SLIT2: variants seen among roughly 807,000 people sequenced by gnomAD.
SLIT2 encodes the protein slit homolog 2 protein.
SLIT2 carries 41 observed loss-of-function variants against 185.7 expected under a neutral mutation model. The ratio of observed to expected loss-of-function variants is 0.22; its 90% CI spans 0.17 to 0.29. The LOEUF is 0.29. Among genes scored for constraint, SLIT2 ranks in the 10% least tolerant of loss-of-function variants. The pLI, the probability that SLIT2 is intolerant of heterozygous loss-of-function variation, is 1.00. For missense variants in SLIT2, 1,571 were observed against 1,909.0 expected, an observed-to-expected ratio of 0.82 and a Z score of 3.30; for synonymous variants, 693 against 680.2, an observed-to-expected ratio of 1.02 and a Z score of -0.29.
intron 18 of SLIT2, among the ~76,000 whole-genome samples, chr4:20,538,512 T>C (rs567190501): frequency 3.9e-5 from 6 of 152,236 alleles, no homozygotes; most frequent in Non-Finnish European, 8.8e-5. Flanking sequence ...TGTTTCTTTA[T>C]TTTTACCTCT....
intron 4 of SLIT2, among the ~76,000 whole-genome samples, chr4:20,281,301 T>C (rs946061935): frequency 1.3e-5 from 2 of 152,230 alleles, no homozygotes; most frequent in Non-Finnish European, 2.9e-5. Context: ...AAGTTAAAAA[T>C]TAAACAGGGC....
chr4:20,264,415 A>G (rs559361257), intron 3 of SLIT2, among the ~76,000 whole-genome samples: 2 of 151,918 alleles, frequency 1.3e-5, no homozygotes, highest in East Asian at 3.9e-4. Context: ...CCTTATATTT[A>G]CATGTAAATA....
chr4:20,505,903 GA>G (rs1719166049), intron 9 of SLIT2, among the ~76,000 whole-genome samples: 1 of 151,938 alleles, frequency 6.6e-6, no homozygotes, highest in Non-Finnish European at 1.5e-5. Flanking sequence ...GAGAGCAAGA[GA>G]AAAAAATTGT....
intron 4 of SLIT2, among the ~76,000 whole-genome samples, chr4:20,324,385 C>A (rs1419590133): frequency 6.9e-6 from 1 of 145,644 alleles, no homozygotes; most frequent in Non-Finnish European, 1.5e-5. Context: ...CCGACCAGGC[C>A]ATTTCCCTGC....
At chr4:20,595,038 C>G (rs17543582) in intron 30 of SLIT2, among the ~76,000 whole-genome samples, 6 of 152,122 alleles carry the variant, frequency 3.9e-5, no homozygotes, top group Non-Finnish European at 8.8e-5. Context: ...AGCCAAGACC[C>G]TTTACCACCA....
rs115940288 is a variant in SLIT2, at chr4:20,288,475, C to T, written c.395+19594C>T. On this transcript the variant is annotated intron_variant, in intron 4 of 36. Coordinates refer to ENST00000504154, the MANE Select transcript of SLIT2 (RefSeq NM_004787.4). ...CGTGTGCATGACAATGAGGAAATTTCCCTTTAATTCCTGAAGTGCTGGGTG... is the reference window on the plus strand; with the variant it reads ...CGTGTGCATGACAATGAGGAAATTTTCCTTTAATTCCTGAAGTGCTGGGTG... 8.9e-3 allele frequency among the ~76,000 whole-genome samples: 1,348 copies of T among 152,290 alleles called. 22 individuals carry two copies. Among genetic ancestry groups the T allele is most frequent in the African/African-American group, 0.031 (1,285 of 41,550 alleles).
At chr4:20,317,193 T>C (rs549452311) in intron 4 of SLIT2, among the ~76,000 whole-genome samples, 15 of 152,130 alleles carry the variant, frequency 9.9e-5, no homozygotes, top group African/African-American at 2.9e-4. Flanking sequence ...CATGAGACTT[T>C]TTCCCCACAT....
intron 4 of SLIT2, among the ~76,000 whole-genome samples, chr4:20,324,924 C>A (rs998769881): frequency 1.3e-5 from 2 of 152,060 alleles, no homozygotes; most frequent in African/African-American, 4.8e-5. Flanking sequence ...TTTTGCATCA[C>A]CTAATACGTT....
At position 20,472,360 on chromosome 4, in the gene SLIT2, ATATAGATATC is replaced by A. The variant is rs1211681185; in HGVS notation, c.467+4542_467+4551del. ...GATCTATATATAGATATAGATATCTATATAGATATCTATATCTATATATATGTAGATATAT... is the reference window on the plus strand; with the variant it reads ...GATCTATATATAGATATAGATATCTATATATCTATATATATGTAGATATAT... On this transcript the variant is annotated intron_variant, in intron 5 of 36. Transcript: ENST00000504154. Among the ~76,000 whole-genome samples, 13 of 37,498 alleles carry A rather than the reference ATATAGATATC, an allele frequency of 3.5e-4. 2 individuals carry two copies. The highest frequency in any genetic ancestry group is 8.1e-4 in the East Asian group (1 of 1,234). The allele number at this position is 37,498 out of a possible 152,430, so 24.6% of individuals were successfully genotyped here.
intron 34 of SLIT2, 103 bp downstream of exon 34, chr4:20,610,270 A>C: frequency 1.0e-6 from 1 of 975,074 alleles, no homozygotes; most frequent in Non-Finnish European, 1.5e-6. Flanking sequence ...TTTGTCATTG[A>C]CCAATAGTGA....
In SLIT2 at chr4:20,617,517, C is replaced by G. The variant is rs373971639; in HGVS notation, c.4215C>G (p.Leu1405=). The G allele has an allele frequency of 5.6e-5, 90 of 1,613,950 alleles. No homozygotes were observed. Among genetic ancestry groups the G allele is most frequent in the Non-Finnish European group, 7.5e-5 (88 of 1,180,002 alleles). Reference sequence around the variant, plus strand: ...GCTTGGAGGGCCATGGAGGTGTCCTCTGTGATGAAGAGGAGGATCTGTTTA... The same window carrying G: ...GCTTGGAGGGCCATGGAGGTGTCCTGTGTGATGAAGAGGAGGATCTGTTTA... The part of the protein sequence containing the change: ...CKCLEGHGGV[L]CDEEEDLFNP... The change falls in exon 36 of 37, where the codon CTC becomes CTG. Residue 1405 remains leucine, a synonymous_variant. Transcript: ENST00000504154.
chr4:20,387,639 G>T (rs575891395), intron 4 of SLIT2, among the ~76,000 whole-genome samples: 1 of 152,110 alleles, frequency 6.6e-6, no homozygotes, highest in Non-Finnish European at 1.5e-5. Flanking sequence ...GTGGTAAAAC[G>T]AGAGGAACTT....
chr4:20,356,774 G>C (rs1316494910), intron 4 of SLIT2, among the ~76,000 whole-genome samples: 1 of 152,074 alleles, frequency 6.6e-6, no homozygotes, highest in Non-Finnish European at 1.5e-5. Context: ...ACTGTGCAAG[G>C]TTGCCTGGAA....
Position 20,467,741 on chromosome 4 carries a change from G to A in SLIT2, c.396-11G>A. On this transcript the variant is annotated splice_polypyrimidine_tract_variant and intron_variant, in intron 4 of 36. Transcript: ENST00000504154. ...TTCTAACGTGATCCTTTTTGTTGTT[G>A]TTGTTTTTAGTGATCTCAGTGAAAA... is the stretch of plus-strand genomic sequence containing the variant. 6.5e-7 allele frequency: 1 copy of A among 1,540,886 alleles called. No individual in the cohort carries two copies. The highest frequency in any genetic ancestry group is 8.9e-7 in the Non-Finnish European group (1 of 1,122,852).
chr4:20,530,277 T>G (rs1428978777), intron 16 of SLIT2, among the ~76,000 whole-genome samples: 2 of 151,764 alleles, frequency 1.3e-5, no homozygotes, highest in East Asian at 3.9e-4. Flanking sequence ...AATAGTACTT[T>G]TTTTTTTTTT....
intron 4 of SLIT2, among the ~76,000 whole-genome samples, chr4:20,318,259 C>T (rs1718764597): frequency 6.6e-6 from 1 of 152,154 alleles, no homozygotes; most frequent in Non-Finnish European, 1.5e-5. Context: ...GCCATTAACC[C>T]TTCTCTGCTA....
intron 26 of SLIT2, 91 bp downstream of exon 26, chr4:20,554,059 T>C: frequency 1.9e-6 from 2 of 1,042,442 alleles, no homozygotes; most frequent in Middle Eastern, 2.7e-4. Context: ...AAAGGTATGG[T>C]TGAAATGCCC....
chr4:20,561,019 A>G (rs956680055), intron 26 of SLIT2, among the ~76,000 whole-genome samples: 26 of 151,874 alleles, frequency 1.7e-4, no homozygotes, highest in Admixed American at 1.2e-3. Flanking sequence ...TGCTAATAAT[A>G]TATCTATACC....
At chr4:20,502,928 C>A (rs1313172415) in intron 9 of SLIT2, among the ~76,000 whole-genome samples, 1 of 151,906 alleles carries the variant, frequency 6.6e-6, no homozygotes, top group African/African-American at 2.4e-5. Context: ...GGCCTAGCAG[C>A]AGATAGTGAT....
Sources: allele counts gnomAD v4.1 joint callset (sites outside exome capture counted in the v4.1 genomes callset), GRCh38; gene constraint gnomAD v4.1.1; transcripts MANE v1.5; gene names NCBI Gene and HGNC (gene_info 2026-07-23, HGNC 2026-07-21).